DPP9: variants seen among roughly 807,000 people sequenced by gnomAD.
DPP9 encodes the protein dipeptidyl peptidase IV-related protein-2.
DPP9 carries 50 observed loss-of-function variants against 110.7 expected under a neutral mutation model. That is an observed-to-expected ratio of 0.45 (90% confidence interval 0.36 to 0.57). The LOEUF (loss-of-function observed/expected upper bound fraction) is 0.57. DPP9 is among the 20% of genes least tolerant of loss of function. The pLI, the probability that DPP9 is intolerant of heterozygous loss-of-function variation, is 0.00. For synonymous variants in DPP9, 561 were observed against 514.4 expected (o/e 1.09, Z -1.23); for missense variants, 1,022 against 1,217.9 (o/e 0.84, Z 2.39).
rs73539533 is a variant in DPP9, at chr19:4,689,319, G to A, written c.1749+251C>T. Among the ~76,000 whole-genome samples the A allele has an allele frequency of 8.0e-3, 1,222 of 152,360 alleles. 21 individuals are homozygous for A. Among genetic ancestry groups the A allele is most frequent in the African/African-American group, 0.028 (1,175 of 41,592 alleles). Reference sequence around the variant, plus strand: ...GCCACATCCCACCGCACACAGAGCGGCGGAGCCCCAGCTCAGCGGACGGGC... The same window carrying A: ...GCCACATCCCACCGCACACAGAGCGACGGAGCCCCAGCTCAGCGGACGGGC... On this transcript the variant is annotated intron_variant, in intron 15 of 21. Coordinates refer to ENST00000262960, the MANE Select transcript of DPP9 (RefSeq NM_139159.5). This position sits in a 1 kb window ranked among gnomAD's most constrained non-coding sequence, Gnocchi z 7.0.
rs1049098511 is a variant in DPP9 at position 4,704,511 on chromosome 19, G to T, written c.427-207C>A. On this transcript the variant is annotated intron_variant, in intron 5 of 21. Transcript: ENST00000262960. The surrounding 1 kb of genome is among the most constrained non-coding windows in gnomAD (Gnocchi z 6.0). ...ATTGCCAGCGAACCTGGCCCTGCAG[G>T]ACTGGCTGAGTGTCCTAGGAGGTGG... Among the ~76,000 whole-genome samples, 8 of 152,190 alleles carry T rather than the reference G, an allele frequency of 5.3e-5. No individual in the cohort carries two copies. The highest frequency in any genetic ancestry group is 1.7e-4 in the African/African-American group (7 of 41,450).
chr19:4,681,786 C>T (rs1250337773), intron 20 of DPP9, among the ~76,000 whole-genome samples: 4 of 149,870 alleles, frequency 2.7e-5, no homozygotes, highest in African/African-American at 7.4e-5. Context: ...AGGCTGGTCT[C>T]GAACTCCTAC....
chr19:4,683,786 C>A, intron 18 of DPP9, 157 bp from the exon 19 acceptor site: 1 of 1,552,656 alleles, frequency 6.4e-7, no homozygotes, highest in Non-Finnish European at 8.7e-7. Flanking sequence ...ACCCTGCCTG[C>A]TATCTGGGGA....
rs192832555 is a variant in DPP9, at chr19:4,710,403, C to T, written c.313+3678G>A. ...TTTGCAGTGGGGAGAGGCTGATCCG[C>T]GTGGGGCGGGAGCGGGGTCGGGAGC... On this transcript the variant is annotated intron_variant, in intron 4 of 21. Transcript: ENST00000262960. This position sits in a 1 kb window ranked among gnomAD's most constrained non-coding sequence, Gnocchi z 5.6. 1.6e-4 allele frequency among the ~76,000 whole-genome samples: 25 copies of T among 152,338 alleles called. No individual in the cohort carries two copies. The highest frequency in any genetic ancestry group is 2.6e-4 in the Admixed American group (4 of 15,302).
At position 4,710,571 on chromosome 19, in the gene DPP9, G is replaced by A. The variant is rs984109389; in HGVS notation, c.313+3510C>T. On this transcript the variant is annotated intron_variant, in intron 4 of 21. Transcript: ENST00000262960. This position sits in a 1 kb window ranked among gnomAD's most constrained non-coding sequence, Gnocchi z 5.6. ...CATGTGGATCTGAAAGAGCCTTTCC[G>A]GAGGGGCCCAGTGATTAGCTCCACA... Among the ~76,000 whole-genome samples the A allele has an allele frequency of 6.6e-6, 1 of 152,196 alleles. No homozygotes were observed. Among genetic ancestry groups the A allele is most frequent in the African/African-American group, 2.4e-5 (1 of 41,456 alleles).
chr19:4,684,098 C>T lies in DPP9; in HGVS notation c.2179-469G>A, dbSNP rs1377381869. 3 of 330,744 alleles carry T rather than the reference C, an allele frequency of 9.1e-6. No homozygotes were observed. Among genetic ancestry groups the T allele is most frequent in the African/African-American group, 2.1e-5 (1 of 46,636 alleles). The allele number at this position is 330,744 out of a possible 1,614,324, so 20.5% of individuals were successfully genotyped here. A position where few individuals can be genotyped will look rare whatever the true frequency, so the allele number is the denominator to read the frequency against. On this transcript the variant is annotated intron_variant, in intron 18 of 21. Coordinates refer to ENST00000262960, the MANE Select transcript of DPP9 (RefSeq NM_139159.5). This position sits in a 1 kb window ranked among gnomAD's most constrained non-coding sequence, Gnocchi z 4.8. ...GTCCGTGCTGAGATCACTACTGCGG[C>T]CTTCAAGCGACTGATCCATGGGGCC...
rs2277735 is a variant in DPP9 at position 4,700,175 on chromosome 19, A to G, written c.1074+41T>C. 465,080 of 1,474,850 alleles carry G rather than the reference A, an allele frequency of 0.32. 81,566 individuals carry two copies. Among genetic ancestry groups the G allele is most frequent in the African/African-American group, 0.69 (48,952 of 70,602 alleles). The allele number at this position is 1,474,850 out of a possible 1,614,324, so 91.4% of individuals were successfully genotyped here. On this transcript the variant is annotated intron_variant, in intron 10 of 21. Transcript: ENST00000262960. The surrounding 1 kb of genome is among the most constrained non-coding windows in gnomAD (Gnocchi z 4.3). ...AGCTGCCTACCCGGCCCTTCCCCGC[A>G]TCATCTAGTAGATTATCTGGTATGC...
intron 4 of DPP9, among the ~76,000 whole-genome samples, chr19:4,711,680 G>A (rs1355617164): frequency 1.3e-5 from 2 of 149,688 alleles, no homozygotes; most frequent in Admixed American, 6.7e-5. Flanking sequence ...GGCTGAGGTA[G>A]GAGAATCGCT....
At chr19:4,706,232 CTT>C (rs1285652296) in intron 4 of DPP9, among the ~76,000 whole-genome samples, 1 of 150,294 alleles carries the variant, frequency 6.7e-6, no homozygotes, top group Non-Finnish European at 1.5e-5. Context: ...CATGGTGGCT[CTT>C]GTTTGTAATC....
Position 4,687,173 on chromosome 19 carries a change from G to A in DPP9, c.1886-1402C>T, listed in dbSNP as rs901629083. ...CGGTGCGGACAGGAGAGTGAGGACTGGGCTCTAGAGGGAGGCCTGGGATCT... is the reference window on the plus strand; with the variant it reads ...CGGTGCGGACAGGAGAGTGAGGACTAGGCTCTAGAGGGAGGCCTGGGATCT... On this transcript the variant is annotated intron_variant, in intron 16 of 21. Transcript: ENST00000262960. This position sits in a 1 kb window ranked among gnomAD's most constrained non-coding sequence, Gnocchi z 4.7. 2.6e-5 allele frequency among the ~76,000 whole-genome samples: 4 copies of A among 152,194 alleles called. No homozygotes were observed. The highest frequency in any genetic ancestry group is 9.7e-5 in the African/African-American group (4 of 41,448).
At chr19:4,722,702 C>T in intron 1 of DPP9, 151 bp from the exon 2 acceptor site, 1 of 629,392 alleles carries the variant, frequency 1.6e-6, no homozygotes, top group Non-Finnish European at 2.9e-6. Flanking sequence ...GCACTGTCTG[C>T]ATGCCCTGGA....
rs2091511070 is a variant in DPP9 at position 4,693,516 on chromosome 19, C to T, written c.1516+1145G>A. 1.3e-5 allele frequency among the ~76,000 whole-genome samples: 2 copies of T among 152,152 alleles called. No homozygotes were observed. Among genetic ancestry groups the T allele is most frequent in the Non-Finnish European group, 2.9e-5 (2 of 68,008 alleles). ...CTGAGTCTGTCTTAGACTGGACCTG[C>T]GGAGCCCTCCGGGCATCCATGCCGC... On this transcript the variant is annotated intron_variant, in intron 13 of 21. Transcript: ENST00000262960. The surrounding 1 kb of genome is among the most constrained non-coding windows in gnomAD (Gnocchi z 5.0).
At chr19:4,713,988 C>A in intron 4 of DPP9, 93 bp downstream of exon 4, 1 of 1,461,966 alleles carries the variant, frequency 6.8e-7, no homozygotes. Context: ...AGCAGATCTT[C>A]CAACTCCTGT....
rs371321033 is a variant in DPP9, at chr19:4,689,631, G to A, written c.1688C>T (p.Ala563Val). ...GGTGAGGCGTACGATCTCGCCGGCC[G>A]CCTCATAGCTGACCACGTAGAGGTG... ...EHHLYVVSYE[A>V]AGEIVRLTTP... Residue 563 changes from alanine (A) to valine (V), a missense_variant, in exon 15 of 22, where the codon GCG (alanine) becomes GTG (valine). Ala to Val is a moderately conservative substitution (Grantham distance 64). Transcript: ENST00000262960. The surrounding 1 kb of genome is among the most constrained non-coding windows in gnomAD (Gnocchi z 7.0). The A allele has an allele frequency of 1.4e-5, 22 of 1,570,580 alleles. No homozygotes were observed. Among genetic ancestry groups the A allele is most frequent in the South Asian group, 2.3e-5 (2 of 85,326 alleles).
intron 3 of DPP9, among the ~76,000 whole-genome samples, chr19:4,715,293 G>A (rs141993126): frequency 0.019 from 2,940 of 152,134 alleles, 56 homozygotes; most frequent in Non-Finnish European, 0.025. Flanking sequence ...AAAGTGCTGG[G>A]ATTACAGGCA....
At chr19:4,707,260 G>A (rs897894772) in intron 4 of DPP9, among the ~76,000 whole-genome samples, 1 of 152,162 alleles carries the variant, frequency 6.6e-6, no homozygotes, top group Non-Finnish European at 1.5e-5. Flanking sequence ...TGCGGAAGGC[G>A]CAATCAGGTC....
chr19:4,676,552 C>A lies in DPP9; in HGVS notation c.*12G>T. On this transcript the variant is annotated 3_prime_UTR_variant, in exon 22 of 22. Transcript: ENST00000262960. This position sits in a 1 kb window ranked among gnomAD's most constrained non-coding sequence, Gnocchi z 4.0. Reference sequence around the variant, plus strand: ...ACTTGTGCTGTGATGTGGCGGCTCCCGGTGGGCAGGCTCAGAGGTATTCCT... The same window carrying A: ...ACTTGTGCTGTGATGTGGCGGCTCCAGGTGGGCAGGCTCAGAGGTATTCCT... 1 of 1,585,258 alleles carries A rather than the reference C, an allele frequency of 6.3e-7. No homozygotes were observed. Among genetic ancestry groups the A allele is most frequent in the South Asian group, 1.1e-5 (1 of 87,526 alleles).
chr19:4,701,893 T>G (rs1384259962), intron 9 of DPP9, 134 bp downstream of exon 9: 1 of 1,293,808 alleles, frequency 7.7e-7, no homozygotes, highest in African/African-American at 1.5e-5. Context: ...GCAGAAGCCT[T>G]CCTTCTACAC....
At chr19:4,690,195 A>AGTGG (rs996948699) in intron 14 of DPP9, among the ~76,000 whole-genome samples, 1 of 152,186 alleles carries the variant, frequency 6.6e-6, no homozygotes, top group African/African-American at 2.4e-5. Context: ...CTCCTGGAGG[A>AGTGG]GTGGGAGGGC....
Sources: gnomAD v4.1 joint callset for allele counts (sites outside exome capture counted in the v4.1 genomes callset) on GRCh38, gnomAD v4.1.1 for gene constraint, Gnocchi (gnomAD v3.1) non-coding constraint, MANE v1.5 for transcripts, NCBI Gene and HGNC (gene_info 2026-07-23, HGNC 2026-07-21) for gene names.